COA1: variants seen among roughly 807,000 people sequenced by gnomAD.
COA1 encodes cytochrome c oxidase assembly factor 1 homolog.
A neutral mutation model predicts 16.0 loss-of-function variants in COA1; 13 were observed. The observed-to-expected ratio is 0.81, with a 90% confidence interval of 0.53 to 1.29. The LOEUF (loss-of-function observed/expected upper bound fraction) is 1.29, where lower values mean the gene tolerates loss of function less well. Among genes scored for constraint, COA1 ranks in the 50% most tolerant of loss-of-function variants. COA1 has a pLI of 0.00. For missense variants in COA1, 179 were observed against 177.0 expected (o/e 1.01, Z -0.06); for synonymous variants, 65 against 65.7 (o/e 0.99, Z 0.05).
At position 43,639,643 on chromosome 7, in the gene COA1, C is replaced by CT. The variant is rs748907357; in HGVS notation, c.379_380insA (p.Gly127GlufsTer15). ...GAGCTTGAACACAGGAATCTGCTGA[C>CT]CATCCTTGAGCTCTAAAAAGACCTC... On this transcript the variant is annotated frameshift_variant, in exon 6 of 6. Coordinates refer to ENST00000223336, the MANE Select transcript of COA1 (RefSeq NM_018224.4). LOFTEE classifies it low-confidence loss of function (END_TRUNC). The CT allele has an allele frequency of 1.9e-6, 3 of 1,614,108 alleles. No homozygotes were observed. Among genetic ancestry groups the CT allele is most frequent in the Non-Finnish European group, 2.5e-6 (3 of 1,179,988 alleles).
chr7:43,623,655 T>C, intron 6 of COA1: 1 of 1,607,948 alleles, frequency 6.2e-7, no homozygotes, highest in Non-Finnish European at 8.5e-7. Flanking sequence ...ATCAAATTAG[T>C]TTCAAGAAAT....
At chr7:43,610,067 C>A (rs975587095) in intron 6 of COA1, among the ~76,000 whole-genome samples, 3 of 152,166 alleles carry the variant, frequency 2.0e-5, no homozygotes, top group African/African-American at 7.2e-5. Flanking sequence ...ATGGCCAGGG[C>A]CGGGCGCGGT....
intron 1 of COA1, among the ~76,000 whole-genome samples, chr7:43,701,561 T>A (rs1169364901): frequency 1.3e-5 from 2 of 152,248 alleles, no homozygotes; most frequent in Admixed American, 6.5e-5. Flanking sequence ...TGAATAGTGC[T>A]GCAATAAATG....
intron 1 of COA1, among the ~76,000 whole-genome samples, chr7:43,725,915 C>G (rs1484234331): frequency 6.6e-6 from 1 of 150,722 alleles, no homozygotes; most frequent in Non-Finnish European, 1.5e-5. Context: ...GCCTTTTAAC[C>G]AACAAAATTA....
chr7:43,621,684 C>T (rs532693020), intron 6 of COA1, among the ~76,000 whole-genome samples: 30 of 152,124 alleles, frequency 2.0e-4, no homozygotes, highest in African/African-American at 6.5e-4. Context: ...GTTGCCCAGG[C>T]TAGTGATTTG....
At chr7:43,625,679 A>C (rs968530739) in intron 6 of COA1, 2 of 151,936 alleles carry the variant, frequency 1.3e-5, no homozygotes. Flanking sequence ...TCTGATCAAC[A>C]CTCTGGTTAC....
At chr7:43,700,411 T>C (rs946994279) in intron 1 of COA1, among the ~76,000 whole-genome samples, 19 of 152,006 alleles carry the variant, frequency 1.2e-4, no homozygotes, top group African/African-American at 4.3e-4. Context: ...ATTTGTCTCA[T>C]AGAAAATTCT....
intron 1 of COA1, among the ~76,000 whole-genome samples, chr7:43,651,122 C>G (rs1335560193): frequency 6.6e-6 from 1 of 152,226 alleles, no homozygotes; most frequent in East Asian, 1.9e-4. Flanking sequence ...GGAGTTTAGG[C>G]TAACTGCACG....
intron 1 of COA1, among the ~76,000 whole-genome samples, chr7:43,715,006 TAAAAAAAAAAAAAAA>T (rs755827781): frequency 1.0e-5 from 1 of 95,770 alleles, no homozygotes; most frequent in Admixed American, 1.2e-4. Flanking sequence ...GCCTCTTGTC[TAAAAAAAAAAAAAAA>T]AAAAAAAAAA....
At chr7:43,665,856 TC>T (rs1163485254) in intron 1 of COA1, 1 of 151,882 alleles carries the variant, frequency 6.6e-6, no homozygotes, top group Non-Finnish European at 1.5e-5. Context: ...TCCAATCACC[TC>T]CCTCCCTCCA....
intron 6 of COA1, chr7:43,631,116 A>G (rs2085133687): frequency 6.6e-6 from 1 of 152,018 alleles, no homozygotes; most frequent in Non-Finnish European, 1.5e-5. Context: ...GGTCTTTTCA[A>G]GGTCTATAGG....
intron 1 of COA1, among the ~76,000 whole-genome samples, chr7:43,704,306 A>G (rs1456017708): frequency 6.6e-6 from 1 of 152,128 alleles, no homozygotes; most frequent in African/African-American, 2.4e-5. Flanking sequence ...GTCATCTTGT[A>G]TAGTATGTGG....
chr7:43,700,499 C>T (rs766055586), intron 1 of COA1, among the ~76,000 whole-genome samples: 2 of 150,126 alleles, frequency 1.3e-5, no homozygotes, highest in Non-Finnish European at 3.0e-5. Flanking sequence ...GACAAAGATG[C>T]CCTAATCAGC....
At chr7:43,725,584 C>T (rs768768248) in intron 1 of COA1, among the ~76,000 whole-genome samples, 1 of 152,100 alleles carries the variant, frequency 6.6e-6, no homozygotes, top group Non-Finnish European at 1.5e-5. Context: ...ACTGGCTGGG[C>T]GCAATGGCTC....
At chr7:43,694,195 T>A (rs2094459782) in intron 1 of COA1, among the ~76,000 whole-genome samples, 1 of 147,772 alleles carries the variant, frequency 6.8e-6, no homozygotes, top group South Asian at 2.2e-4. Flanking sequence ...TCATGAATCA[T>A]CAATTTCCCC....
chr7:43,620,566 C>T (rs1180364928), intron 6 of COA1, among the ~76,000 whole-genome samples: 1 of 151,338 alleles, frequency 6.6e-6, no homozygotes, highest in South Asian at 2.1e-4. Context: ...CCCAGCTACT[C>T]GGGAGGCTGA....
intron 1 of COA1, among the ~76,000 whole-genome samples, chr7:43,675,672 CTT>C (rs1460447077): frequency 6.6e-6 from 1 of 151,990 alleles, no homozygotes; most frequent in Non-Finnish European, 1.5e-5. Flanking sequence ...TAATTACAAA[CTT>C]TAATTTTTAC....
chr7:43,729,109 G>A (rs1269714419), intron 1 of COA1, among the ~76,000 whole-genome samples: 1 of 152,234 alleles, frequency 6.6e-6, no homozygotes, highest in Non-Finnish European at 1.5e-5. Context: ...AAAGTGCCCA[G>A]TCCCAACTCT....
chr7:43,615,561 A>G (rs2083270653), intron 6 of COA1, among the ~76,000 whole-genome samples: 1 of 152,220 alleles, frequency 6.6e-6, no homozygotes, highest in African/African-American at 2.4e-5. Context: ...ATGATGGTAC[A>G]TAGGTGTTTT....
Sources: allele counts gnomAD v4.1 joint callset (sites outside exome capture counted in the v4.1 genomes callset), GRCh38; gene constraint gnomAD v4.1.1; transcripts MANE v1.5; gene names NCBI Gene and HGNC (gene_info 2026-07-23, HGNC 2026-07-21).